The following KIAA1217 variants were observed in gnomAD, a reference collection of about 807,000 sequenced individuals.
The protein encoded by KIAA1217 is KIAA1217.
In KIAA1217, 88 loss-of-function variants were observed where a neutral mutation model predicts 163.9. The observed-to-expected ratio is 0.54, with a 90% confidence interval of 0.45 to 0.64. The LOEUF is 0.64. Among genes scored for constraint, KIAA1217 ranks in the 30% least tolerant of loss-of-function variants. The pLI, the probability that KIAA1217 is intolerant of heterozygous loss-of-function variation, is 0.00. For missense variants in KIAA1217, 2,372 were observed against 2,475.0 expected (o/e 0.96, Z 0.88); for synonymous variants, 903 against 923.1 (o/e 0.98, Z 0.39).
intron 1 of KIAA1217, among the ~76,000 whole-genome samples, chr10:23,838,920 C>T (rs540087953): frequency 6.6e-6 from 1 of 152,260 alleles, no homozygotes; most frequent in African/African-American, 2.4e-5. Context: ...GCTGTTCTTG[C>T]ACCTGCAGGG....
chr10:24,014,525 A>T (rs1042479943), intron 2 of KIAA1217, among the ~76,000 whole-genome samples: 1 of 152,164 alleles, frequency 6.6e-6, no homozygotes. Flanking sequence ...ATGTGAAAAA[A>T]TGAGAAAGTG....
intron 2 of KIAA1217, among the ~76,000 whole-genome samples, chr10:24,024,911 T>A (rs917907045): frequency 6.6e-5 from 10 of 151,830 alleles, no homozygotes; most frequent in African/African-American, 2.4e-4. Context: ...TTAAGAATTC[T>A]TTATATATTG....
chr10:24,082,487 C>T (rs1168602155), intron 2 of KIAA1217, among the ~76,000 whole-genome samples: 1 of 152,106 alleles, frequency 6.6e-6, no homozygotes, highest in Non-Finnish European at 1.5e-5. Context: ...TAAGTGAGAA[C>T]ATGCGGTGTT....
At chr10:24,033,366 C>T (rs1216099307) in intron 2 of KIAA1217, among the ~76,000 whole-genome samples, 2 of 152,154 alleles carry the variant, frequency 1.3e-5, no homozygotes, top group Non-Finnish European at 2.9e-5. Flanking sequence ...GTTATCCAAG[C>T]ACTCAAACCA....
intron 2 of KIAA1217, among the ~76,000 whole-genome samples, chr10:24,330,507 A>T (rs2045535893): frequency 6.6e-6 from 1 of 152,198 alleles, no homozygotes; most frequent in Non-Finnish European, 1.5e-5. Context: ...CAGAGAATCC[A>T]TACATAGGCT....
At chr10:24,363,041 A>G (rs2428305) in intron 2 of KIAA1217, among the ~76,000 whole-genome samples, 132,883 of 152,194 alleles carry the variant, frequency 0.87, 58,221 homozygotes, top group South Asian at 0.93. Context: ...TCCTGATGTT[A>G]CTCCCTAGAG....
intron 2 of KIAA1217, among the ~76,000 whole-genome samples, chr10:24,351,794 C>T (rs1250754707): frequency 2.0e-5 from 3 of 152,218 alleles, no homozygotes; most frequent in African/African-American, 7.2e-5. Flanking sequence ...TCCACAGTCC[C>T]TGCATAGCTT....
At chr10:23,788,649 A>G (rs749113575) in intron 1 of KIAA1217, among the ~76,000 whole-genome samples, 20 of 152,184 alleles carry the variant, frequency 1.3e-4, no homozygotes, top group Admixed American at 7.9e-4. Flanking sequence ...TTTGATATGC[A>G]TTGTTGAGAG....
At chr10:24,220,516 G>A (rs2069455741) in intron 2 of KIAA1217, among the ~76,000 whole-genome samples, 1 of 139,444 alleles carries the variant, frequency 7.2e-6, no homozygotes, top group Admixed American at 7.6e-5. Context: ...GTGCAGTGGT[G>A]CGATCTTGGT....
chr10:23,716,862 C>T (rs1837604934), intron 1 of KIAA1217, among the ~76,000 whole-genome samples: 1 of 152,064 alleles, frequency 6.6e-6, no homozygotes, highest in African/African-American at 2.4e-5. Flanking sequence ...TACTACATCA[C>T]GTTTTTTCTT....
intron 4 of KIAA1217, among the ~76,000 whole-genome samples, chr10:24,437,288 C>A (rs536809768): frequency 6.6e-6 from 1 of 152,148 alleles, no homozygotes; most frequent in South Asian, 2.1e-4. Context: ...CCCCTCAAGC[C>A]GACTTCTAAC....
chr10:24,240,489 A>C (rs1423672518), intron 2 of KIAA1217, among the ~76,000 whole-genome samples: 1 of 152,234 alleles, frequency 6.6e-6, no homozygotes, highest in South Asian at 2.1e-4. Flanking sequence ...ACTCACATTC[A>C]TATTAAATTG....
chr10:24,021,658 A>G (rs750396838), intron 2 of KIAA1217, among the ~76,000 whole-genome samples: 7 of 151,924 alleles, frequency 4.6e-5, no homozygotes, highest in Non-Finnish European at 7.4e-5. Flanking sequence ...GGGGAAGAAT[A>G]AAGCTGGAGG....
intron 1 of KIAA1217, among the ~76,000 whole-genome samples, chr10:23,710,222 A>G (rs1448881575): frequency 1.3e-5 from 2 of 152,190 alleles, no homozygotes; most frequent in African/African-American, 4.8e-5. Context: ...CTGCATTACA[A>G]TTCAGGCCAG....
At chr10:24,280,472 A>G (rs1424741659) in intron 2 of KIAA1217, among the ~76,000 whole-genome samples, 1 of 152,228 alleles carries the variant, frequency 6.6e-6, no homozygotes, top group Non-Finnish European at 1.5e-5. Context: ...TAGATTCTAG[A>G]TTGAAAATGA....
At chr10:24,345,473 T>A (rs568327245) in intron 2 of KIAA1217, among the ~76,000 whole-genome samples, 1 of 152,274 alleles carries the variant, frequency 6.6e-6, no homozygotes, top group South Asian at 2.1e-4. Context: ...TCTCAAGGAA[T>A]CAAAACATTA....
chr10:24,312,796 T>G (rs1053644300), intron 2 of KIAA1217, among the ~76,000 whole-genome samples: 3 of 151,880 alleles, frequency 2.0e-5, no homozygotes, highest in Non-Finnish European at 4.4e-5. Flanking sequence ...AGACCTGTGG[T>G]CCCAGCTACT....
intron 1 of KIAA1217, among the ~76,000 whole-genome samples, chr10:23,785,665 A>C (rs1357997801): frequency 6.6e-6 from 1 of 152,170 alleles, no homozygotes; most frequent in African/African-American, 2.4e-5. Flanking sequence ...CTTCCTCATG[A>C]AAAGGTTGGG....
chr10:24,188,062 G>A (rs1335350076), intron 2 of KIAA1217, among the ~76,000 whole-genome samples: 1 of 148,528 alleles, frequency 6.7e-6, no homozygotes, highest in South Asian at 2.2e-4. Context: ...GCCAGGCATG[G>A]TGGCAGCGCC....
Sources: gnomAD v4.1 joint callset for allele counts (sites outside exome capture counted in the v4.1 genomes callset) on GRCh38, gnomAD v4.1.1 for gene constraint, MANE v1.5 for transcripts, NCBI Gene and HGNC (gene_info 2026-07-23, HGNC 2026-07-21) for gene names.